The following RAP1A variants were observed in gnomAD, a reference collection of about 807,000 sequenced individuals.
The protein encoded by RAP1A is RAP1A, member of RAS oncogene family.
RAP1A carries 6 observed loss-of-function variants against 26.4 expected under a neutral mutation model. The ratio of observed to expected loss-of-function variants is 0.23; its 90% CI spans 0.12 to 0.45. The LOEUF (loss-of-function observed/expected upper bound fraction) is 0.45, where lower values mean the gene tolerates loss of function less well. Among genes scored for constraint, RAP1A ranks in the 20% least tolerant of loss-of-function variants. The probability of loss-of-function intolerance (pLI) is 0.99; values close to 1 mark genes in which losing one functional copy is unlikely to be tolerated. For synonymous variants in RAP1A, 73 were observed against 79.4 expected, an observed-to-expected ratio of 0.92 and a Z score of 0.43; for missense variants, 121 against 217.2, an observed-to-expected ratio of 0.56 and a Z score of 2.78.
At chr1:111,707,712 C>G (rs896474631) in intron 6 of RAP1A, among the ~76,000 whole-genome samples, 10 of 152,022 alleles carry the variant, frequency 6.6e-5, no homozygotes, top group Non-Finnish European at 1.5e-4. Flanking sequence ...GTTTTTATTC[C>G]AAATCATTAG....
intron 1 of RAP1A, among the ~76,000 whole-genome samples, chr1:111,637,044 G>C (rs1659748393): frequency 6.6e-6 from 1 of 151,902 alleles, no homozygotes; most frequent in African/African-American, 2.4e-5. Context: ...ATAGGGCTAG[G>C]GTGCTGTATT....
chr1:111,676,503 A>G (rs772527899), intron 1 of RAP1A, among the ~76,000 whole-genome samples: 2 of 152,098 alleles, frequency 1.3e-5, no homozygotes, highest in African/African-American at 4.8e-5. Context: ...GTATGTATCT[A>G]GTATTCTGAG....
At chr1:111,585,837 CA>C (rs907826511) in intron 1 of RAP1A, among the ~76,000 whole-genome samples, 1 of 151,842 alleles carries the variant, frequency 6.6e-6, no homozygotes, top group South Asian at 2.1e-4. Flanking sequence ...GTACTACTAA[CA>C]AAAAAAAGAT....
At chr1:111,675,043 G>A (rs1009335053) in intron 1 of RAP1A, among the ~76,000 whole-genome samples, 2 of 151,890 alleles carry the variant, frequency 1.3e-5, no homozygotes, top group Non-Finnish European at 2.9e-5. Context: ...GAGCTATGTA[G>A]TATCCCTGGA....
chr1:111,697,417 T>TTC, intron 3 of RAP1A, 24 bp from the exon 4 acceptor site: 1 of 145,430 alleles, frequency 6.9e-6, no homozygotes, highest in Non-Finnish European at 1.1e-5. Context: ...CTCTTTAACC[T>TTC]TTTTTTTTTT....
chr1:111,709,835 A>G (rs2101312213), intron 7 of RAP1A, among the ~76,000 whole-genome samples: 1 of 152,334 alleles, frequency 6.6e-6, no homozygotes, highest in South Asian at 2.1e-4. Context: ...TGTTAAATGT[A>G]TCAGTAGTTC....
At chr1:111,650,093 C>CTTTT (rs57681662) in intron 1 of RAP1A, among the ~76,000 whole-genome samples, 59 of 75,778 alleles carry the variant, frequency 7.8e-4, no homozygotes, top group Middle Eastern at 8.9e-3. Flanking sequence ...TGGTAGAGTG[C>CTTTT]TTTTTTTTTT....
At chr1:111,706,305 T>C (rs2101299974) in intron 6 of RAP1A, among the ~76,000 whole-genome samples, 1 of 152,322 alleles carries the variant, frequency 6.6e-6, no homozygotes, top group South Asian at 2.1e-4. Flanking sequence ...TAGTTAATAG[T>C]TCCTCACACA....
chr1:111,595,923 T>C (rs1482427072), intron 1 of RAP1A, among the ~76,000 whole-genome samples: 1 of 152,178 alleles, frequency 6.6e-6, no homozygotes, highest in Non-Finnish European at 1.5e-5. Context: ...ATCTCAACAA[T>C]TCAGAGTTAA....
At chr1:111,702,977 G>C (rs1480394552) in intron 4 of RAP1A, among the ~76,000 whole-genome samples, 1 of 152,216 alleles carries the variant, frequency 6.6e-6, no homozygotes, top group Non-Finnish European at 1.5e-5. Flanking sequence ...GATTCTGGAT[G>C]ATGAAGTCAT....
chr1:111,567,538 T>C (rs941451842), intron 1 of RAP1A, among the ~76,000 whole-genome samples: 3 of 152,190 alleles, frequency 2.0e-5, no homozygotes, highest in Non-Finnish European at 4.4e-5. Flanking sequence ...ATTCATCTAT[T>C]GAAGCCCTAG....
chr1:111,642,971 C>T lies in RAP1A; in HGVS notation c.-28+23037C>T, dbSNP rs189374704. On this transcript the variant is annotated intron_variant, in intron 1 of 7. Transcript: ENST00000369709. ...ATTATTAGTAGAGATGGGGTTTCAC[C>T]GTGTTGGTCAGGCTGGTCTCAAACT... 9.9e-5 allele frequency among the ~76,000 whole-genome samples: 15 copies of T among 151,890 alleles called. No homozygotes were observed. The South Asian group carries it at 1.7e-3, about 17-fold the overall frequency.
intron 1 of RAP1A, among the ~76,000 whole-genome samples, chr1:111,595,875 C>T (rs1658555835): frequency 6.6e-6 from 1 of 152,024 alleles, no homozygotes; most frequent in East Asian, 1.9e-4. Flanking sequence ...AGCATGTGCT[C>T]CATACTAAGC....
intron 1 of RAP1A, among the ~76,000 whole-genome samples, chr1:111,555,302 G>A (rs965726531): frequency 1.1e-4 from 15 of 135,348 alleles, no homozygotes; most frequent in African/African-American, 3.3e-4. Flanking sequence ...GGAGGCTGAG[G>A]TTGCAGTGAG....
At chr1:111,634,888 C>T (rs1035232433) in intron 1 of RAP1A, among the ~76,000 whole-genome samples, 11 of 152,104 alleles carry the variant, frequency 7.2e-5, no homozygotes, top group African/African-American at 2.7e-4. Context: ...CATGATCTAC[C>T]CGCCTCGGCC....
intron 2 of RAP1A, among the ~76,000 whole-genome samples, 172 bp downstream of exon 2, chr1:111,691,589 AT>A (rs1475488122): frequency 6.6e-6 from 1 of 152,242 alleles, no homozygotes; most frequent in Non-Finnish European, 1.5e-5. Context: ...ATATAGTTTT[AT>A]AACATTGGCT....
rs188711548 is a variant in RAP1A, at chr1:111,613,389, C to T, written c.-28+70880C>T. Among the ~76,000 whole-genome samples, 547 of 152,064 alleles carry T rather than the reference C, an allele frequency of 3.6e-3. 4 individuals are homozygous for T. The highest frequency in any genetic ancestry group is 0.012 in the African/African-American group (494 of 41,486). On this transcript the variant is annotated intron_variant, in intron 1 of 7. Coordinates refer to the RAP1A transcript ENST00000356415. Reference sequence around the variant, plus strand: ...TAATGTTTTGTATTTTTAGTAGAGACGGGGTTTCACCGTGTTAGCTAGGAT... The same window carrying T: ...TAATGTTTTGTATTTTTAGTAGAGATGGGGTTTCACCGTGTTAGCTAGGAT...
intron 1 of RAP1A, among the ~76,000 whole-genome samples, chr1:111,628,480 A>T (rs1335787290): frequency 6.6e-6 from 1 of 152,200 alleles, no homozygotes; most frequent in Non-Finnish European, 1.5e-5. Flanking sequence ...CTAGACTTTT[A>T]AGCCATTGAA....
intron 1 of RAP1A, among the ~76,000 whole-genome samples, chr1:111,605,175 G>A (rs184067861): frequency 2.6e-4 from 40 of 152,288 alleles, no homozygotes; most frequent in Admixed American, 2.5e-3. Context: ...AAGGAAGGTA[G>A]TTTCCACATT....
Sources: gnomAD v4.1 joint callset for allele counts (sites outside exome capture counted in the v4.1 genomes callset) on GRCh38, gnomAD v4.1.1 for gene constraint, MANE v1.5 for transcripts, NCBI Gene and HGNC (gene_info 2026-07-23, HGNC 2026-07-21) for gene names.